The following NLRC3 variants were observed in gnomAD, a reference collection of about 807,000 sequenced individuals.
The protein encoded by NLRC3 is NLR family CARD domain containing 3.
A neutral mutation model predicts 91.6 loss-of-function variants in NLRC3; 87 were observed. That is an observed-to-expected ratio of 0.95 (90% CI 0.80 to 1.14). The LOEUF is 1.14. NLRC3 is among the 50% of genes most tolerant of loss of function. NLRC3 has a pLI of 0.00. For missense variants in NLRC3, 1,577 were observed against 1,418.6 expected (o/e 1.11, Z -1.79); for synonymous variants, 694 against 625.3 (o/e 1.11, Z -1.64).
chr16:3,549,340 A>T (rs1317989328), intron 12 of NLRC3, 115 bp from the exon 13 acceptor site: 3 of 769,268 alleles, frequency 3.9e-6, no homozygotes, highest in Middle Eastern at 2.3e-4. Flanking sequence ...GGGGACCTAG[A>T]GTTCTGCATA....
chr16:3,550,410 T>C lies in NLRC3; in HGVS notation c.2435+4A>G. ...GGAATCGTCACCCTGGCAGGTGGACTCACTCCAGGCTCTCCAGGCCCTGGT... is the reference window on the plus strand; with the variant it reads ...GGAATCGTCACCCTGGCAGGTGGACCCACTCCAGGCTCTCCAGGCCCTGGT... On this transcript the variant is annotated splice_donor_region_variant and intron_variant, in intron 11 of 19. Coordinates refer to ENST00000359128, the MANE Select transcript of NLRC3 (RefSeq NM_178844.4). 7 of 1,600,542 alleles carry C rather than the reference T, an allele frequency of 4.4e-6. No individual in the cohort carries two copies. Among genetic ancestry groups the C allele is most frequent in the Non-Finnish European group, 6.0e-6 (7 of 1,167,722 alleles).
chr16:3,555,873 G>A (rs946891017), intron 8 of NLRC3: 2 of 149,952 alleles, frequency 1.3e-5, no homozygotes, highest in Admixed American at 6.8e-5. Flanking sequence ...TCAGCCTCTG[G>A]GACCCGCCTA....
intron 17 of NLRC3, 131 bp downstream of exon 17, chr16:3,543,294 A>G (rs532407938): frequency 2.9e-6 from 2 of 698,082 alleles, no homozygotes; most frequent in South Asian, 1.7e-5. Flanking sequence ...GGAAACTGGT[A>G]TACTTGCACT....
Position 3,563,450 on chromosome 16 carries a change from C to T in NLRC3, c.1487G>A (p.Arg496Lys), listed in dbSNP as rs199475937. 7.8e-4 allele frequency: 1,236 copies of T among 1,580,312 alleles called. 8 individuals are homozygous for T. In the African/African-American group the frequency reaches 0.014, roughly 18 times the overall value. The change falls in exon 5 of 20, where the codon AGG becomes AAG. Residue 496 changes from arginine to lysine, a missense_variant. Physicochemically the swap from Arg to Lys is conservative, Grantham distance 26. Transcript: ENST00000359128. ...CTGCATGGCCCGCTGGGCTGCGCTC[C>T]TGAAATGCGTGAGGAAGCCCAGCCT... Reference protein sequence around the residue: ...WPRLGFLTHFRSAAQRAMQAE... With the variant: ...WPRLGFLTHFKSAAQRAMQAE...
intron 6 of NLRC3, 63 bp downstream of exon 6, chr16:3,561,639 G>A: frequency 8.8e-7 from 1 of 1,132,440 alleles, no homozygotes; most frequent in Non-Finnish European, 1.3e-6. Context: ...GAGGATGATG[G>A]GAAGAGGGTT....
chr16:3,560,641 T>C (rs6501179), intron 6 of NLRC3, among the ~76,000 whole-genome samples: 75,425 of 151,900 alleles, frequency 0.5, 19,129 homozygotes, highest in South Asian at 0.65. Context: ...GAAGGTTTTT[T>C]TGTTTGTTTT....
intron 1 of NLRC3, among the ~76,000 whole-genome samples, chr16:3,573,169 G>A (rs549896040): frequency 6.6e-6 from 1 of 152,066 alleles, no homozygotes; most frequent in East Asian, 1.9e-4. Flanking sequence ...TGTAATCCCA[G>A]CACTTTAGGA....
chr16:3,556,041 A>G (rs2151092885), intron 8 of NLRC3: 1 of 151,002 alleles, frequency 6.6e-6, no homozygotes, highest in East Asian at 1.9e-4. Flanking sequence ...TAAAAGAGAC[A>G]TAACTGGCTG....
intron 8 of NLRC3, among the ~76,000 whole-genome samples, chr16:3,555,003 G>A (rs2039225990): frequency 6.6e-6 from 1 of 152,162 alleles, no homozygotes; most frequent in African/African-American, 2.4e-5. Flanking sequence ...GCCGAGGTGG[G>A]TGGATCACTT....
In NLRC3 at chr16:3,559,061, C is replaced by T. The variant is rs952251195; in HGVS notation, c.2016-1385G>A. Reference sequence around the variant, plus strand: ...TGCTGGAATTACAGGCATGAGCCACCGTGCCCAGCCTGGTACTTTTCAAGC... The same window carrying T: ...TGCTGGAATTACAGGCATGAGCCACTGTGCCCAGCCTGGTACTTTTCAAGC... On this transcript the variant is annotated intron_variant, in intron 6 of 19. Transcript: ENST00000359128. Among the ~76,000 whole-genome samples, 4 of 152,300 alleles carry T rather than the reference C, an allele frequency of 2.6e-5. No homozygotes were observed. The East Asian group carries it at 5.8e-4, about 22-fold the overall frequency.
At chr16:3,543,613 A>G in intron 16 of NLRC3, 105 bp from the exon 17 acceptor site, 1 of 771,746 alleles carries the variant, frequency 1.3e-6, no homozygotes, top group Non-Finnish European at 2.2e-6. Context: ...AAGTGGAGAA[A>G]CAGCACTGAG....
In NLRC3 at chr16:3,557,645, C is replaced by T. The variant is rs74764571; in HGVS notation, c.2047G>A (p.Ala683Thr). Residue 683 changes from alanine to threonine, a missense_variant, in exon 7 of 20, where the codon GCC becomes ACC. Coordinates refer to ENST00000359128, the MANE Select transcript of NLRC3 (RefSeq NM_178844.4). ...LAENQISNKG[A>T]KALARSLLVN... ...AAGAGGGATCTGGCCAGAGCTTTGG[C>T]CCCTTTGTTACTGATCTGGTTCTCC... 3.5e-4 allele frequency: 561 copies of T among 1,613,634 alleles called. 2 individuals carry two copies. In the African/African-American group the frequency reaches 6.3e-3, roughly 18 times the overall value.
rs772909464 is a variant in NLRC3, at chr16:3,554,280, A to G, written c.2229T>C (p.Ala743=). The change falls in exon 9 of 20, where the codon GCT becomes GCC. Residue 743 remains alanine (A), a synonymous_variant. Transcript: ENST00000359128. ...TVRDDGARSM[A]EALASNRTLS... ...GGGTCCGGTTGGAGGCCAAGGCCTC[A>G]GCCATGGACCTGGCACCATCATCCC... 1 of 1,613,746 alleles carries G rather than the reference A, an allele frequency of 6.2e-7. No homozygotes were observed. Among genetic ancestry groups the G allele is most frequent in the African/African-American group, 1.3e-5 (1 of 74,952 alleles).
In NLRC3 at chr16:3,539,536, G is replaced by A. The variant is rs2038318764; in HGVS notation, c.*2289C>T. 6.6e-6 allele frequency: 1 copy of A among 152,186 alleles called. No homozygotes were observed. Among genetic ancestry groups the A allele is most frequent in the African/African-American group, 2.4e-5 (1 of 41,418 alleles). The allele number at this position is 152,186 out of a possible 1,614,324, so 9.4% of individuals were successfully genotyped here. On this transcript the variant is annotated 3_prime_UTR_variant, in exon 20 of 20. Coordinates refer to ENST00000359128, the MANE Select transcript of NLRC3 (RefSeq NM_178844.4). ...GGCTCCTGAGGTTTCTTCAGCGTTA[G>A]GTTTCTGTAGGGCCCAGCTTTCTCC...
chr16:3,557,177 C>T (rs2039382515), intron 7 of NLRC3, among the ~76,000 whole-genome samples, 183 bp from the exon 8 acceptor site: 1 of 152,246 alleles, frequency 6.6e-6, no homozygotes, highest in African/African-American at 2.4e-5. Context: ...TTCCCCACGA[C>T]TGTCTCAGGT....
At position 3,563,848 on chromosome 16, in the gene NLRC3, G is replaced by C; in HGVS notation, c.1089C>G (p.Leu363=). The change falls in exon 5 of 20, where the codon CTC becomes CTG. Residue 363 remains leucine, a synonymous_variant. Coordinates refer to ENST00000359128, the MANE Select transcript of NLRC3 (RefSeq NM_178844.4). The stretch of plus-strand genomic sequence containing the variant: ...GGGCCATCCTAAAGTACCATGAGTA[G>C]AGCTCGCACAGGGTCCTCGGGGGCC... ...ELWPPRTLCE[L]YSWYFRMALS... 6.2e-7 allele frequency: 1 copy of C among 1,606,652 alleles called. No homozygotes were observed. The highest frequency in any genetic ancestry group is 8.5e-7 in the Non-Finnish European group (1 of 1,176,136).
At chr16:3,566,635 G>A (rs1281339028) in intron 2 of NLRC3, among the ~76,000 whole-genome samples, 3 of 151,116 alleles carry the variant, frequency 2.0e-5, no homozygotes, top group Non-Finnish European at 4.4e-5. Context: ...TGAGGCAGGA[G>A]AATCACTTGA....
chr16:3,563,666 C>T lies in NLRC3; in HGVS notation c.1271G>A (p.Gly424Asp), dbSNP rs199674712. The T allele has an allele frequency of 7.4e-5, 120 of 1,613,772 alleles. No individual in the cohort carries two copies. In the African/African-American group the frequency reaches 1.4e-3, roughly 19 times the overall value. The stretch of plus-strand genomic sequence containing the variant: ...GCCCTGCAGCAGAGCGAGGTCTACA[C>T]CAAACGCCTTCATGTCTTGCTCGTA... ...VFYEQDMKAF[G>D]VDLALLQGAP... The change falls in exon 5 of 20, where the codon GGT (glycine) becomes GAT (aspartate). Residue 424 changes from glycine to aspartate, a missense_variant. By Grantham distance (94) the Gly-to-Asp change is moderately conservative. Coordinates refer to ENST00000359128, the MANE Select transcript of NLRC3 (RefSeq NM_178844.4).
At chr16:3,568,098 T>A (rs1443270423) in intron 1 of NLRC3, among the ~76,000 whole-genome samples, 1 of 152,150 alleles carries the variant, frequency 6.6e-6, no homozygotes, top group East Asian at 1.9e-4. Context: ...ACTCTTGACC[T>A]TGTGATCTGC....
Sources: allele counts gnomAD v4.1 joint callset (sites outside exome capture counted in the v4.1 genomes callset), GRCh38; gene constraint gnomAD v4.1.1; transcripts MANE v1.5; gene names NCBI Gene and HGNC (gene_info 2026-07-23, HGNC 2026-07-21).